DAPP1: variants seen among roughly 807,000 people sequenced by gnomAD.
The protein encoded by DAPP1 is dual adapter for phosphotyrosine and 3-phosphotyrosine and 3-phosphoinositide.
DAPP1 carries 20 observed loss-of-function variants against 41.5 expected under a neutral mutation model. That is an observed-to-expected ratio of 0.48 (90% CI 0.34 to 0.70). DAPP1 has a LOEUF of 0.70. DAPP1 is among the 30% of genes least tolerant of loss of function. The pLI is 0.01. For missense variants in DAPP1, 233 were observed against 333.4 expected (o/e 0.70, Z 2.35); for synonymous variants, 113 against 116.2 (o/e 0.97, Z 0.18).
intron 1 of DAPP1, among the ~76,000 whole-genome samples, chr4:99,832,536 A>G (rs1369701713): frequency 1.3e-5 from 2 of 152,236 alleles, no homozygotes; most frequent in Admixed American, 6.5e-5. Flanking sequence ...GGGCTTGCCC[A>G]GGCCCTGGAG....
At chr4:99,846,041 G>A (rs1358193759) in intron 3 of DAPP1, among the ~76,000 whole-genome samples, 1 of 152,150 alleles carries the variant, frequency 6.6e-6, no homozygotes, top group Non-Finnish European at 1.5e-5. Context: ...TGTATGCTTA[G>A]TTAGATTTAC....
At chr4:99,863,578 TTTTATG>T (rs1177031979) in intron 6 of DAPP1, among the ~76,000 whole-genome samples, 186 bp from the exon 7 acceptor site, 2 of 152,150 alleles carry the variant, frequency 1.3e-5, no homozygotes, top group African/African-American at 2.4e-5. Flanking sequence ...TAATGCCCAG[TTTTATG>T]AAAGGCTCAT....
chr4:99,863,721 T>C, intron 6 of DAPP1, 49 bp from the exon 7 acceptor site: 1 of 1,108,190 alleles, frequency 9.0e-7, no homozygotes. Context: ...TTTGTCTGTT[T>C]TTTTTTTTTT....
intron 5 of DAPP1, among the ~76,000 whole-genome samples, chr4:99,862,703 CTAA>C (rs1724280548): frequency 6.6e-6 from 1 of 150,702 alleles, no homozygotes; most frequent in Non-Finnish European, 1.5e-5. Flanking sequence ...TAAAAATATA[CTAA>C]TGATATATCT....
At chr4:99,848,230 AT>A (rs57214417) in intron 3 of DAPP1, among the ~76,000 whole-genome samples, 225 of 139,852 alleles carry the variant, frequency 1.6e-3, no homozygotes, top group African/African-American at 2.3e-3. Context: ...CAGGAGCAGA[AT>A]TTTTTTTTTT....
At chr4:99,855,194 A>T (rs552522183) in intron 4 of DAPP1, among the ~76,000 whole-genome samples, 2 of 152,246 alleles carry the variant, frequency 1.3e-5, no homozygotes, top group East Asian at 3.9e-4. Context: ...TCCCTTCATA[A>T]TTTCCTCTTT....
Position 99,868,236 on chromosome 4 carries a change from CCTGACGCTGTGAT to C in DAPP1, c.*55_*67del, listed in dbSNP as rs1466561446. 5.7e-5 allele frequency: 84 copies of C among 1,482,034 alleles called. 1 individual carries two copies. The Admixed American group carries it at 1.3e-3, about 24-fold the overall frequency. 91.8% of individuals were successfully genotyped at this position (1,482,034 alleles called of 1,614,324 possible). A position where few individuals can be genotyped will look rare whatever the true frequency, so the allele number is the denominator to read the frequency against. The stretch of plus-strand genomic sequence containing the variant: ...GCCCAGGAGCAAGGTGGAATGTTTC[CCTGACGCTGTGAT>C]CTGCAGCAGGCTTCAAATGAAAACC... On this transcript the variant is annotated 3_prime_UTR_variant, in exon 9 of 9. Coordinates refer to ENST00000512369, the MANE Select transcript of DAPP1 (RefSeq NM_014395.3).
rs1578195931 is a variant in DAPP1 at position 99,867,850 on chromosome 4, C to T, written c.775-267C>T. On this transcript the variant is annotated intron_variant, in intron 8 of 8. Coordinates refer to ENST00000512369, the MANE Select transcript of DAPP1 (RefSeq NM_014395.3). ...CCTTTTAACTCATTGAATAGTATTG[C>T]ATTTTATAGATTACTGTAAGTATTA... Among the ~76,000 whole-genome samples the T allele has an allele frequency of 2.0e-5, 3 of 152,004 alleles. No individual in the cohort carries two copies. In the South Asian group the frequency reaches 6.2e-4, roughly 31 times the overall value.
intron 1 of DAPP1, 136 bp downstream of exon 1, chr4:99,817,150 T>G: frequency 3.4e-6 from 2 of 591,358 alleles, no homozygotes; most frequent in Non-Finnish European, 5.9e-6. Flanking sequence ...TTTTTTCCAC[T>G]TTATTCATTT....
chr4:99,824,020 A>G (rs1722858665), intron 1 of DAPP1, among the ~76,000 whole-genome samples: 1 of 152,220 alleles, frequency 6.6e-6, no homozygotes, highest in South Asian at 2.1e-4. Context: ...CTTTATCAGT[A>G]TAAATTTCTA....
intron 3 of DAPP1, among the ~76,000 whole-genome samples, chr4:99,845,294 A>G (rs1412420089): frequency 6.6e-6 from 1 of 152,172 alleles, no homozygotes; most frequent in Non-Finnish European, 1.5e-5. Context: ...ATCTTTTGAA[A>G]CTGGTCCCAC....
chr4:99,858,192 C>T lies in DAPP1; in HGVS notation c.490-3386C>T, dbSNP rs574547225. Among the ~76,000 whole-genome samples the T allele has an allele frequency of 3.3e-5, 5 of 152,328 alleles. No individual in the cohort carries two copies. In the East Asian group the frequency reaches 5.8e-4, roughly 18 times the overall value. ...AGTAAGTTCCGTCAGAGTAAAAGAT[C>T]CAGTCCTCAAGCACAAGTTGCACTT... On this transcript the variant is annotated intron_variant, in intron 4 of 8. Transcript: ENST00000512369.
At chr4:99,831,016 A>G (rs962541228) in intron 1 of DAPP1, among the ~76,000 whole-genome samples, 2 of 152,248 alleles carry the variant, frequency 1.3e-5, no homozygotes, top group African/African-American at 2.4e-5. Context: ...AATCTGATCA[A>G]GCTAAAGTCT....
intron 4 of DAPP1, among the ~76,000 whole-genome samples, chr4:99,854,537 C>T (rs1481359928): frequency 6.6e-6 from 1 of 152,228 alleles, no homozygotes; most frequent in African/African-American, 2.4e-5. Flanking sequence ...CACATGACCT[C>T]TGCTTTACAT....
At position 99,857,236 on chromosome 4, in the gene DAPP1, G is replaced by A. The variant is rs201390823; in HGVS notation, c.489+3888G>A. On this transcript the variant is annotated intron_variant, in intron 4 of 8. Transcript: ENST00000512369. ...TGCAGATGGATTGAATGTGATACAC[G>A]AAAGAAAGAGTAGCAGAGTCATGGC... Among the ~76,000 whole-genome samples, 58 of 152,184 alleles carry A rather than the reference G, an allele frequency of 3.8e-4. No individual in the cohort carries two copies. In the East Asian group the frequency reaches 4.1e-3, roughly 11 times the overall value.
At chr4:99,850,981 C>A (rs1224803813) in intron 3 of DAPP1, among the ~76,000 whole-genome samples, 1 of 152,138 alleles carries the variant, frequency 6.6e-6, no homozygotes, top group Non-Finnish European at 1.5e-5. Flanking sequence ...ACAATTGAAC[C>A]CTGTTCCTCT....
chr4:99,827,208 C>T (rs57798058), intron 1 of DAPP1, among the ~76,000 whole-genome samples: 41,443 of 151,906 alleles, frequency 0.27, 6,030 homozygotes, highest in African/African-American at 0.37. Context: ...TCACTTGACA[C>T]TTCCCAGTAG....
At chr4:99,863,720 T>G in intron 6 of DAPP1, 50 bp from the exon 7 acceptor site, 4 of 735,626 alleles carry the variant, frequency 5.4e-6, no homozygotes, top group African/African-American at 2.7e-5. Flanking sequence ...ATTTGTCTGT[T>G]TTTTTTTTTT....
chr4:99,834,368 A>G (rs1275045461), intron 1 of DAPP1, among the ~76,000 whole-genome samples: 1 of 151,940 alleles, frequency 6.6e-6, no homozygotes, highest in East Asian at 1.9e-4. Flanking sequence ...ATGTTTTGCT[A>G]TGTCTCCTTT....
Sources: gnomAD v4.1 joint callset for allele counts (sites outside exome capture counted in the v4.1 genomes callset) on GRCh38, gnomAD v4.1.1 for gene constraint, MANE v1.5 for transcripts, NCBI Gene and HGNC (gene_info 2026-07-23, HGNC 2026-07-21) for gene names.